Variants in UPF3A observed in about 807,000 individuals in gnomAD.
UPF3A encodes regulator of nonsense transcripts 3A.
UPF3A carries 42 observed loss-of-function variants against 53.5 expected under a neutral mutation model. The ratio of observed to expected loss-of-function variants is 0.78; its 90% CI spans 0.61 to 1.01. The LOEUF is 1.01. UPF3A is among the 50% of genes least tolerant of loss of function. The pLI is 0.00. For missense variants in UPF3A, 575 were observed against 598.0 expected, an observed-to-expected ratio of 0.96 and a Z score of 0.40; for synonymous variants, 237 against 225.3, an observed-to-expected ratio of 1.05 and a Z score of -0.47.
At chr13:114,291,151 G>C (rs1365178449) in intron 5 of UPF3A, among the ~76,000 whole-genome samples, 1 of 152,110 alleles carries the variant, frequency 6.6e-6, no homozygotes, top group African/African-American at 2.4e-5. Flanking sequence ...ACTGTTGCTT[G>C]GAGAACGGAA....
At chr13:114,302,970 C>A (rs367779284) in intron 9 of UPF3A, among the ~76,000 whole-genome samples, 3 of 152,130 alleles carry the variant, frequency 2.0e-5, no homozygotes, top group Non-Finnish European at 4.4e-5. Flanking sequence ...GGCGTGGTGG[C>A]GCGCCTGTAA....
rs191869616 is a variant in UPF3A at position 114,305,717 on chromosome 13, T to C, written c.*800T>C. 2.8e-3 allele frequency: 432 copies of C among 152,344 alleles called. 1 individual carries two copies. The highest frequency in any genetic ancestry group is 0.01 in the African/African-American group (419 of 41,580). The allele number at this position is 152,344 out of a possible 1,614,324, so 9.4% of individuals were successfully genotyped here. ...TAGCTTTCTGAAACCGTGCATTCTG[T>C]AGTTTCTTCCTTTCAGTGAAATTGC... is the stretch of plus-strand genomic sequence containing the variant. On this transcript the variant is annotated 3_prime_UTR_variant, in exon 10 of 10. Coordinates refer to ENST00000375299, the MANE Select transcript of UPF3A (RefSeq NM_023011.4).
Position 114,305,246 on chromosome 13 carries a change from A to G in UPF3A, c.*329A>G, listed in dbSNP as rs938721733. 3.1e-5 allele frequency: 10 copies of G among 325,258 alleles called. No individual in the cohort carries two copies. The highest frequency in any genetic ancestry group is 8.3e-5 in the East Asian group (1 of 12,028). 20.1% of individuals were successfully genotyped at this position (325,258 alleles called of 1,614,324 possible). Reference sequence around the variant, plus strand: ...AGTATTGGATCAGTGTGAGTCCTGAAGCACTTTCAGTGCTGTGAGAACGAC... The same window carrying G: ...AGTATTGGATCAGTGTGAGTCCTGAGGCACTTTCAGTGCTGTGAGAACGAC... On this transcript the variant is annotated 3_prime_UTR_variant, in exon 10 of 10. Transcript: ENST00000375299.
At chr13:114,303,201 G>A (rs1191000194) in intron 9 of UPF3A, among the ~76,000 whole-genome samples, 1 of 152,184 alleles carries the variant, frequency 6.6e-6, no homozygotes, top group East Asian at 1.9e-4. Flanking sequence ...GTTCTCTGGG[G>A]TTGCCTGGAC....
chr13:114,302,400 C>G (rs916781656), intron 9 of UPF3A, among the ~76,000 whole-genome samples: 1 of 152,158 alleles, frequency 6.6e-6, no homozygotes, highest in South Asian at 2.1e-4. Flanking sequence ...TCCCATGGCT[C>G]ACAAACACCT....
intron 7 of UPF3A, among the ~76,000 whole-genome samples, chr13:114,293,394 A>G (rs1425691189): frequency 6.6e-6 from 1 of 152,148 alleles, no homozygotes; most frequent in African/African-American, 2.4e-5. Context: ...AAAAAAAAAA[A>G]AGTTTCCCTG....
chr13:114,287,439 A>C (rs1167060406), intron 5 of UPF3A: 1 of 151,668 alleles, frequency 6.6e-6, no homozygotes, highest in Non-Finnish European at 1.5e-5. Context: ...AAGATACAAA[A>C]AATTAGCAGG....
intron 8 of UPF3A, among the ~76,000 whole-genome samples, chr13:114,299,267 C>T (rs1316140410): frequency 2.6e-5 from 4 of 152,162 alleles, no homozygotes; most frequent in Admixed American, 2.0e-4. Flanking sequence ...TACTCCTGAG[C>T]CGCCTCCTGG....
chr13:114,301,383 A>T (rs1160711745), intron 8 of UPF3A, among the ~76,000 whole-genome samples: 7 of 151,944 alleles, frequency 4.6e-5, no homozygotes, highest in Admixed American at 4.6e-4. Context: ...GGATGGTGTG[A>T]ACCCAGGAGG....
At position 114,291,706 on chromosome 13, in the gene UPF3A, AAAAG is replaced by A. The variant is rs770634183; in HGVS notation, c.763_766del (p.Arg255GlufsTer24). 2.5e-6 allele frequency: 4 copies of A among 1,603,910 alleles called. No homozygotes were observed. The highest frequency in any genetic ancestry group is 1.3e-5 in the African/African-American group (1 of 74,518). On this transcript the variant is annotated frameshift_variant, in exon 7 of 10. Coordinates refer to ENST00000375299, the MANE Select transcript of UPF3A (RefSeq NM_023011.4). LOFTEE classifies it high-confidence loss of function. ...AAAGAAACGTTTGCGGGAAGAGGAA[AAAAG>A]AAGAAGAAGAGAAGAAGAAAGATGC...
At chr13:114,291,075 G>A (rs531704720) in intron 5 of UPF3A, among the ~76,000 whole-genome samples, 72 of 152,172 alleles carry the variant, frequency 4.7e-4, no homozygotes, top group African/African-American at 1.5e-3. Context: ...AGAGTTGTAT[G>A]TCTTATCATT....
intron 3 of UPF3A, chr13:114,285,860 C>G (rs1473251545): frequency 1.3e-5 from 2 of 156,914 alleles, no homozygotes; most frequent in African/African-American, 4.8e-5. Context: ...TAAAGTGTAG[C>G]TAAGAAATCA....
chr13:114,287,024 T>C (rs1370540478), intron 5 of UPF3A: 3 of 164,170 alleles, frequency 1.8e-5, no homozygotes, highest in East Asian at 3.5e-4. Flanking sequence ...GAGGTCATCT[T>C]GCTGCTTCAA....
intron 9 of UPF3A, 32 bp downstream of exon 9, chr13:114,302,057 C>T: frequency 6.7e-7 from 1 of 1,499,152 alleles, no homozygotes; most frequent in Non-Finnish European, 8.9e-7. Flanking sequence ...AAAAATGTGT[C>T]TGGCTGTCTT....
chr13:114,294,117 A>G (rs892313048), intron 7 of UPF3A, among the ~76,000 whole-genome samples: 1 of 152,124 alleles, frequency 6.6e-6, no homozygotes, highest in Non-Finnish European at 1.5e-5. Flanking sequence ...TGTGCTCAGT[A>G]TGGGGGTCTT....
In UPF3A at chr13:114,282,989, C is replaced by A. The variant is rs2084275040; in HGVS notation, c.421+46C>A. 3 of 1,312,800 alleles carry A rather than the reference C, an allele frequency of 2.3e-6. No homozygotes were observed. In the Admixed American group the frequency reaches 6.1e-5, roughly 27 times the overall value. 81.3% of individuals were successfully genotyped at this position (1,312,800 alleles called of 1,614,324 possible). On this transcript the variant is annotated intron_variant, in intron 3 of 9. Transcript: ENST00000375299. ...AAATCTATTATAATCTGTAGGTATA[C>A]TAATGAAGTATTGCTAGAATATTCG...
intron 7 of UPF3A, among the ~76,000 whole-genome samples, chr13:114,292,087 G>A (rs1490355574): frequency 2.0e-5 from 3 of 148,540 alleles, no homozygotes; most frequent in African/African-American, 7.5e-5. Flanking sequence ...TGCTGCTGAC[G>A]CTCTTTTTTT....
In UPF3A at chr13:114,286,593, C is replaced by T; in HGVS notation, c.595C>T (p.Leu199=). Residue 199 remains leucine (L), a synonymous_variant, in exon 5 of 10, where the codon CTG becomes TTG. Coordinates refer to ENST00000375299, the MANE Select transcript of UPF3A (RefSeq NM_023011.4). ...EKTSANPETL[L]GEMEAKTREL... ...GACCAGTGCCAACCCTGAGACTCTG[C>T]TGGGGGAGATGGAGGCGAAGACAAG... 1 of 1,613,682 alleles carries T rather than the reference C, an allele frequency of 6.2e-7. No individual in the cohort carries two copies. The highest frequency in any genetic ancestry group is 8.5e-7 in the Non-Finnish European group (1 of 1,179,832).
Position 114,291,794 on chromosome 13 carries a change from T to C in UPF3A, c.846+2T>C. ...GCAGAGAAAGAAGTAAGGATTAAGG[T>C]AATTCTGAGGAAACATTTCCTTTTT... On this transcript the variant is annotated splice_donor_variant, in intron 7 of 9. Coordinates refer to ENST00000375299, the MANE Select transcript of UPF3A (RefSeq NM_023011.4). LOFTEE classifies it high-confidence loss of function. 1.3e-6 allele frequency: 2 copies of C among 1,577,788 alleles called. No individual in the cohort carries two copies. The highest frequency in any genetic ancestry group is 1.7e-6 in the Non-Finnish European group (2 of 1,165,770).
Sources: gnomAD v4.1 joint callset for allele counts (sites outside exome capture counted in the v4.1 genomes callset) on GRCh38, gnomAD v4.1.1 for gene constraint, MANE v1.5 for transcripts, NCBI Gene and HGNC (gene_info 2026-07-23, HGNC 2026-07-21) for gene names.